The following AGMO variants were observed in gnomAD, a reference collection of about 807,000 sequenced individuals.
AGMO encodes the protein glyceryl-ether monooxygenase.
Under a neutral mutation model 60.2 loss-of-function variants are expected in AGMO, and 75 were observed. The ratio of observed to expected loss-of-function variants is 1.25; its 90% CI spans 1.03 to 1.51. The LOEUF (loss-of-function observed/expected upper bound fraction) is 1.51. Ranked by LOEUF, AGMO falls within the 40% of genes most tolerant of loss-of-function variation. The pLI is 0.00. For missense variants in AGMO, 763 were observed against 525.5 expected, an observed-to-expected ratio of 1.45 and a Z score of -4.42; for synonymous variants, 261 against 177.1, an observed-to-expected ratio of 1.47 and a Z score of -3.76.
At chr7:15,198,196 CGAGAGAGA>C (rs748392069), downstream of AGMO, among the ~76,000 whole-genome samples, 3,026 of 77,164 alleles carry the variant, frequency 0.039, 54 homozygotes, top group East Asian at 0.092. Context: ...AGGGCTTTCC[CGAGAGAGA>C]GAGAGAGAGA....
intron 2 of AGMO, among the ~76,000 whole-genome samples, chr7:15,549,440 C>T (rs920027970): frequency 2.0e-5 from 3 of 152,010 alleles, no homozygotes; most frequent in Non-Finnish European, 4.4e-5. Flanking sequence ...TGCAGAGACA[C>T]ACATAGGCTC....
Position 15,365,985 on chromosome 7 carries a change from G to A in AGMO, c.1157+155C>T, listed in dbSNP as rs370683721. 1.6e-3 allele frequency among the ~76,000 whole-genome samples: 236 copies of A among 152,086 alleles called. 8 individuals carry two copies. The South Asian group carries it at 0.047, about 30-fold the overall frequency. ...ATGAGTAGTTAGGAGAACTGATATA[G>A]TTAACTTCTCTAAAATAATGAGAAG... On this transcript the variant is annotated intron_variant, in intron 11 of 12. Transcript: ENST00000342526.
chr7:15,241,624 G>C (rs555426044), intron 12 of AGMO, among the ~76,000 whole-genome samples: 26 of 152,236 alleles, frequency 1.7e-4, no homozygotes, highest in Admixed American at 1.6e-3. Flanking sequence ...ATGAGTCAAA[G>C]ATGAAGAGAT....
intron 10 of AGMO, 43 bp from the exon 11 acceptor site, chr7:15,366,265 T>G (rs2128561794): frequency 6.8e-7 from 1 of 1,466,856 alleles, no homozygotes; most frequent in Non-Finnish European, 9.4e-7. Context: ...TTAGAAGAAT[T>G]GTTAAAAGGT....
chr7:15,470,119 T>C (rs1583585141), intron 3 of AGMO, among the ~76,000 whole-genome samples: 2 of 151,822 alleles, frequency 1.3e-5, no homozygotes, highest in African/African-American at 4.8e-5. Context: ...AATTAGGAGA[T>C]GTCATAAAAT....
the AGMO span, among the ~76,000 whole-genome samples, chr7:15,126,410 G>T: frequency 6.6e-6 from 1 of 152,040 alleles, no homozygotes; most frequent in African/African-American, 2.4e-5. Flanking sequence ...TATTGTAGTT[G>T]CCCCTTACTG....
chr7:15,175,138 T>C, the AGMO span, among the ~76,000 whole-genome samples: 1 of 151,988 alleles, frequency 6.6e-6, no homozygotes, highest in Admixed American at 6.6e-5. Flanking sequence ...ATTAAAATGG[T>C]TAATGTACTA....
Position 15,235,241 on chromosome 7 carries a change from T to C in AGMO, c.1264-33882A>G, listed in dbSNP as rs535748843. 4.6e-5 allele frequency among the ~76,000 whole-genome samples: 7 copies of C among 152,264 alleles called. No individual in the cohort carries two copies. In the South Asian group the frequency reaches 1.4e-3, roughly 32 times the overall value. On this transcript the variant is annotated intron_variant, in intron 12 of 12. Transcript: ENST00000342526. ...ATATCTAAACATGACTCTCACTGTATTGAAATTATGTACACACACTGTCTT... is the reference window on the plus strand; with the variant it reads ...ATATCTAAACATGACTCTCACTGTACTGAAATTATGTACACACACTGTCTT...
intron 10 of AGMO, among the ~76,000 whole-genome samples, chr7:15,371,789 A>AGG (rs1167102199): frequency 2.0e-5 from 3 of 152,096 alleles, no homozygotes; most frequent in African/African-American, 7.2e-5. Flanking sequence ...GTCTGGCCTC[A>AGG]GCCTCCCAAT....
At chr7:15,192,013 C>T in the AGMO span, among the ~76,000 whole-genome samples, 1 of 149,042 alleles carries the variant, frequency 6.7e-6, no homozygotes, top group Admixed American at 6.7e-5. Context: ...ACACAGAGAA[C>T]TATTCATCAA....
intron 3 of AGMO, among the ~76,000 whole-genome samples, chr7:15,437,017 T>C (rs1390496760): frequency 1.3e-5 from 2 of 152,172 alleles, no homozygotes; most frequent in Non-Finnish European, 2.9e-5. Context: ...CCTTTAAATT[T>C]TGTTTTGTCT....
intron 3 of AGMO, among the ~76,000 whole-genome samples, chr7:15,499,356 T>C (rs958038831): frequency 6.6e-6 from 1 of 151,908 alleles, no homozygotes; most frequent in Non-Finnish European, 1.5e-5. Context: ...AACCCTCACC[T>C]CTACATGTAC....
chr7:15,143,154 T>C, the AGMO span, among the ~76,000 whole-genome samples: 2 of 152,246 alleles, frequency 1.3e-5, no homozygotes, highest in African/African-American at 4.8e-5. Flanking sequence ...AATATCTTTA[T>C]TTCTTCTGAC....
At chr7:15,437,819 C>T (rs1033446471) in intron 3 of AGMO, among the ~76,000 whole-genome samples, 1 of 152,110 alleles carries the variant, frequency 6.6e-6, no homozygotes, top group Non-Finnish European at 1.5e-5. Context: ...AGATTACAGG[C>T]GTGAGCCACT....
the AGMO span, among the ~76,000 whole-genome samples, chr7:15,195,244 T>C: frequency 6.6e-6 from 1 of 152,094 alleles, no homozygotes; most frequent in Non-Finnish European, 1.5e-5. Context: ...CCAGGGAAAT[T>C]AAGGACATGG....
At chr7:15,295,071 T>C (rs1321933536) in intron 12 of AGMO, among the ~76,000 whole-genome samples, 1 of 151,828 alleles carries the variant, frequency 6.6e-6, no homozygotes, top group East Asian at 1.9e-4. Context: ...ATGAACATAA[T>C]TATAATTGCA....
chr7:15,283,929 C>T (rs369744551), intron 12 of AGMO, among the ~76,000 whole-genome samples: 5 of 152,076 alleles, frequency 3.3e-5, no homozygotes, highest in African/African-American at 9.6e-5. Flanking sequence ...CCAAAAGGAA[C>T]CCTCAAACTA....
intron 3 of AGMO, among the ~76,000 whole-genome samples, chr7:15,525,901 G>A (rs1784116572): frequency 6.6e-6 from 1 of 152,136 alleles, no homozygotes; most frequent in South Asian, 2.1e-4. Context: ...CCTCTCTCTG[G>A]GCACCACTGC....
At chr7:15,543,983 A>C (rs1784699977) in intron 3 of AGMO, among the ~76,000 whole-genome samples, 1 of 152,054 alleles carries the variant, frequency 6.6e-6, no homozygotes, top group African/African-American at 2.4e-5. Flanking sequence ...ATGCCCATCA[A>C]GAAATGAGCA....
Sources: gnomAD v4.1 joint callset for allele counts (sites outside exome capture counted in the v4.1 genomes callset) on GRCh38, gnomAD v4.1.1 for gene constraint, MANE v1.5 for transcripts, NCBI Gene and HGNC (gene_info 2026-07-23, HGNC 2026-07-21) for gene names.